The following SSH2 variants were observed in gnomAD, a reference collection of about 807,000 sequenced individuals.
SSH2 encodes the protein slingshot protein phosphatase 2.
A neutral mutation model predicts 135.2 loss-of-function variants in SSH2; 37 were observed. The ratio of observed to expected loss-of-function variants is 0.27; its 90% CI spans 0.21 to 0.36. SSH2 has a LOEUF of 0.36. SSH2 is among the 10% of genes least tolerant of loss of function. The pLI is 1.00. For synonymous variants in SSH2, 628 were observed against 646.2 expected, an observed-to-expected ratio of 0.97 and a Z score of 0.43; for missense variants, 1,408 against 1,765.3, an observed-to-expected ratio of 0.80 and a Z score of 3.63.
intron 3 of SSH2, among the ~76,000 whole-genome samples, chr17:29,709,013 TATAGAGAG>T (rs1377419982): frequency 5.1e-4 from 45 of 88,162 alleles, no homozygotes; most frequent in African/African-American, 1.5e-3. Flanking sequence ...TATATATATA[TATAGAGAG>T]AGAGAGAGAG....
intron 1 of SSH2, among the ~76,000 whole-genome samples, chr17:29,872,857 G>A (rs1240658750): frequency 4.0e-5 from 6 of 151,850 alleles, no homozygotes; most frequent in East Asian, 1.9e-4. Context: ...TTAGCTGGGC[G>A]TGGTGCCGCG....
chr17:29,662,758 A>G (rs1567854802), intron 11 of SSH2, among the ~76,000 whole-genome samples: 1 of 151,972 alleles, frequency 6.6e-6, no homozygotes, highest in African/African-American at 2.4e-5. Flanking sequence ...CTCATTAGCT[A>G]TTTTTTCCTG....
At chr17:29,773,392 T>A (rs945951748) in intron 3 of SSH2, among the ~76,000 whole-genome samples, 7 of 152,238 alleles carry the variant, frequency 4.6e-5, no homozygotes, top group African/African-American at 1.4e-4. Context: ...TTACATTTTT[T>A]AAAACATTTT....
intron 2 of SSH2, among the ~76,000 whole-genome samples, chr17:29,843,130 T>C (rs184750718): frequency 6.6e-6 from 1 of 152,336 alleles, no homozygotes; most frequent in African/African-American, 2.4e-5. Context: ...GCTGTAGGCT[T>C]AAACACCATC....
intron 3 of SSH2, among the ~76,000 whole-genome samples, chr17:29,718,806 C>T (rs955572179): frequency 1.9e-4 from 29 of 149,044 alleles, no homozygotes; most frequent in African/African-American, 6.8e-4. Flanking sequence ...GGATCTGTTT[C>T]CAAGATGGCT....
At chr17:29,898,521 A>G (rs2066486787) in intron 1 of SSH2, among the ~76,000 whole-genome samples, 1 of 152,242 alleles carries the variant, frequency 6.6e-6, no homozygotes, top group Non-Finnish European at 1.5e-5. Flanking sequence ...AATAAACTTG[A>G]AAATCTAGAA....
At chr17:29,764,139 CA>C (rs371618829) in intron 3 of SSH2, among the ~76,000 whole-genome samples, 13 of 152,142 alleles carry the variant, frequency 8.5e-5, no homozygotes, top group African/African-American at 7.2e-5. Flanking sequence ...TTAGTAGAAA[CA>C]GGGTTTCACC....
chr17:29,874,018 C>T (rs1254863765), intron 1 of SSH2, among the ~76,000 whole-genome samples: 1 of 152,054 alleles, frequency 6.6e-6, no homozygotes, highest in African/African-American at 2.4e-5. Flanking sequence ...TCAGGCTGGG[C>T]GCAGCAGCTC....
chr17:29,902,288 G>A (rs559861944), intron 1 of SSH2, among the ~76,000 whole-genome samples: 1 of 152,186 alleles, frequency 6.6e-6, no homozygotes, highest in Non-Finnish European at 1.5e-5. Flanking sequence ...CATAAAAGCA[G>A]CTTTGTTATG....
intron 2 of SSH2, among the ~76,000 whole-genome samples, chr17:29,832,005 A>G (rs1470270209): frequency 6.6e-6 from 1 of 152,204 alleles, no homozygotes; most frequent in African/African-American, 2.4e-5. Flanking sequence ...AAATTTGGCA[A>G]GGAATGGACT....
At chr17:29,855,605 G>A (rs571674489) in intron 1 of SSH2, among the ~76,000 whole-genome samples, 3 of 152,194 alleles carry the variant, frequency 2.0e-5, no homozygotes, top group Non-Finnish European at 4.4e-5. Context: ...ATCCTTTAAA[G>A]GCCAAGACAT....
rs774018278 is a variant in SSH2 at position 29,632,819 on chromosome 17, T to C, written c.2375A>G (p.Gln792Arg). ...TAAGATGTCTCCTTTCAGTTGAATC[T>C]GCCCAACTCCTTGACTGATGGACTC... ...EIESISQGVG[Q>R]IQLKGDILPN... The change falls in exon 16 of 16, where the codon CAG becomes CGG. Residue 792 changes from glutamine (Q) to arginine (R), a missense_variant. Coordinates refer to ENST00000540801, the MANE Select transcript of SSH2 (RefSeq NM_001282129.2). The C allele has an allele frequency of 3.7e-6, 6 of 1,614,220 alleles. No homozygotes were observed. The highest frequency in any genetic ancestry group is 5.1e-6 in the Non-Finnish European group (6 of 1,180,036).
intron 3 of SSH2, among the ~76,000 whole-genome samples, chr17:29,750,177 C>T (rs905695744): frequency 3.3e-5 from 5 of 151,656 alleles, no homozygotes; most frequent in Non-Finnish European, 5.9e-5. Context: ...GTGGCTCATG[C>T]CTGTAATCCC....
chr17:29,681,656 T>TA, intron 6 of SSH2, among the ~76,000 whole-genome samples: 1 of 152,162 alleles, frequency 6.6e-6, no homozygotes, highest in Non-Finnish European at 1.5e-5. Flanking sequence ...GCTGCATATT[T>TA]AAAAAATTAT....
intron 1 of SSH2, among the ~76,000 whole-genome samples, chr17:29,860,293 C>T (rs2065739282): frequency 2.6e-5 from 4 of 152,112 alleles, no homozygotes; most frequent in Admixed American, 2.6e-4. Context: ...TTAATAATAG[C>T]CATTCTGACT....
At chr17:29,809,730 A>C (rs1381434286) in intron 2 of SSH2, among the ~76,000 whole-genome samples, 1 of 151,994 alleles carries the variant, frequency 6.6e-6, no homozygotes, top group Non-Finnish European at 1.5e-5. Flanking sequence ...TCATTAAAAA[A>C]AATTTTTTTT....
chr17:29,661,255 C>T (rs1567853547), intron 11 of SSH2, among the ~76,000 whole-genome samples: 1 of 152,062 alleles, frequency 6.6e-6, no homozygotes, highest in Admixed American at 6.6e-5. Context: ...TCTGATATGG[C>T]TCATCATGCT....
At chr17:29,857,252 C>T (rs1258361451) in intron 1 of SSH2, among the ~76,000 whole-genome samples, 1 of 152,178 alleles carries the variant, frequency 6.6e-6, no homozygotes, top group Non-Finnish European at 1.5e-5. Context: ...ACAATCATGG[C>T]AGAAGGCAAG....
intron 1 of SSH2, among the ~76,000 whole-genome samples, chr17:29,886,007 G>C (rs191685170): frequency 3.9e-5 from 6 of 152,294 alleles, no homozygotes; most frequent in African/African-American, 1.4e-4. Flanking sequence ...ATAGGTACCA[G>C]GTAGTGGGGC....
Sources: gnomAD v4.1 joint callset for allele counts (sites outside exome capture counted in the v4.1 genomes callset) on GRCh38, gnomAD v4.1.1 for gene constraint, MANE v1.5 for transcripts, NCBI Gene and HGNC (gene_info 2026-07-23, HGNC 2026-07-21) for gene names.